Variants in CNTN5 observed in about 807,000 individuals in gnomAD.
The protein encoded by CNTN5 is contactin-5.
CNTN5 carries 77 observed loss-of-function variants against 129.1 expected under a neutral mutation model. The ratio of observed to expected loss-of-function variants is 0.60; its 90% confidence interval spans 0.50 to 0.72. The LOEUF (loss-of-function observed/expected upper bound fraction) is 0.72. Among genes scored for constraint, CNTN5 ranks in the 30% least tolerant of loss-of-function variants. The probability of loss-of-function intolerance (pLI) is 0.00; values close to 1 mark genes in which losing one functional copy is unlikely to be tolerated. For missense variants in CNTN5, 1,478 were observed against 1,328.8 expected, an observed-to-expected ratio of 1.11 and a Z score of -1.75; for synonymous variants, 509 against 465.6, an observed-to-expected ratio of 1.09 and a Z score of -1.20.
intron 1 of CNTN5, among the ~76,000 whole-genome samples, chr11:99,240,011 ATTGT>A (rs1861469820): frequency 6.6e-6 from 1 of 152,056 alleles, no homozygotes; most frequent in Non-Finnish European, 1.5e-5. Flanking sequence ...TAATTGGAAT[ATTGT>A]TTAAGTAGCC....
At chr11:99,520,407 T>C (rs1177088593) in intron 2 of CNTN5, among the ~76,000 whole-genome samples, 2 of 152,168 alleles carry the variant, frequency 1.3e-5, no homozygotes, top group African/African-American at 4.8e-5. Context: ...ACATGCTTTA[T>C]GCATGATCAA....
chr11:99,125,712 A>C lies in CNTN5; in HGVS notation c.-210+104442A>C, dbSNP rs140090391. Among the ~76,000 whole-genome samples, 1,427 of 152,288 alleles carry C rather than the reference A, an allele frequency of 9.4e-3. 15 individuals carry two copies. Among genetic ancestry groups the C allele is most frequent in the Middle Eastern group, 0.027 (8 of 294 alleles). On this transcript the variant is annotated intron_variant, in intron 1 of 24. Coordinates refer to ENST00000524871, the MANE Select transcript of CNTN5 (RefSeq NM_014361.4). ...TTTCAATTTTGAAATTTTTGCTACA[A>C]AAATGTTATCACTAGACCGTCATTA... is the stretch of plus-strand genomic sequence containing the variant.
At chr11:99,898,427 A>G (rs1949266886) in intron 6 of CNTN5, among the ~76,000 whole-genome samples, 1 of 152,098 alleles carries the variant, frequency 6.6e-6, no homozygotes, top group South Asian at 2.1e-4. Flanking sequence ...AGAGACTAGT[A>G]TGATCACCTT....
At chr11:99,289,630 G>A (rs984304452) in intron 1 of CNTN5, among the ~76,000 whole-genome samples, 7 of 151,676 alleles carry the variant, frequency 4.6e-5, no homozygotes, top group Non-Finnish European at 1.0e-4. Context: ...CATCATCCCT[G>A]TAGAGCTTCT....
At chr11:99,679,905 A>G (rs1678269503) in intron 3 of CNTN5, among the ~76,000 whole-genome samples, 1 of 152,180 alleles carries the variant, frequency 6.6e-6, no homozygotes, top group African/African-American at 2.4e-5. Flanking sequence ...AAATAATAAG[A>G]AAGTGAAACA....
At chr11:99,947,678 T>C (rs116579255) in intron 7 of CNTN5, among the ~76,000 whole-genome samples, 156 of 152,276 alleles carry the variant, frequency 1.0e-3, no homozygotes, top group African/African-American at 3.6e-3. Context: ...AAGTTCCACA[T>C]TTAACATAGA....
chr11:99,546,078 T>C (rs1183247352), intron 2 of CNTN5, among the ~76,000 whole-genome samples: 1 of 152,224 alleles, frequency 6.6e-6, no homozygotes, highest in Non-Finnish European at 1.5e-5. Context: ...GCTCTAATTC[T>C]GATGCCGAGT....
chr11:99,985,539 G>A (rs186473975), intron 8 of CNTN5, among the ~76,000 whole-genome samples: 12 of 152,168 alleles, frequency 7.9e-5, no homozygotes, highest in Non-Finnish European at 1.6e-4. Flanking sequence ...GTAAGAAGGC[G>A]TTTTTCAGAA....
At chr11:99,711,575 G>A (rs775095036) in intron 3 of CNTN5, among the ~76,000 whole-genome samples, 17 of 151,732 alleles carry the variant, frequency 1.1e-4, no homozygotes, top group Non-Finnish European at 1.5e-5. Flanking sequence ...GTGGTTTGCT[G>A]CACTCATCAG....
chr11:99,766,959 A>G (rs1944776922), intron 3 of CNTN5, among the ~76,000 whole-genome samples: 2 of 152,040 alleles, frequency 1.3e-5, no homozygotes, highest in Non-Finnish European at 2.9e-5. Context: ...ATATTTGCTT[A>G]TCACTCCATG....
At chr11:99,682,205 T>C (rs979723811) in intron 3 of CNTN5, among the ~76,000 whole-genome samples, 2 of 152,046 alleles carry the variant, frequency 1.3e-5, no homozygotes, top group African/African-American at 2.4e-5. Flanking sequence ...ATTTATTTCT[T>C]GAAATATGAC....
At chr11:100,242,243 T>C (rs568695493) in intron 16 of CNTN5, among the ~76,000 whole-genome samples, 1 of 152,330 alleles carries the variant, frequency 6.6e-6, no homozygotes, top group Admixed American at 6.5e-5. Flanking sequence ...CCATATTGTT[T>C]ATGTGGCTGG....
chr11:99,132,985 A>G (rs751539396), intron 1 of CNTN5, among the ~76,000 whole-genome samples: 3 of 152,198 alleles, frequency 2.0e-5, no homozygotes, highest in Non-Finnish European at 2.9e-5. Flanking sequence ...TGGAGGCACC[A>G]TGTTACCCGA....
At chr11:99,329,445 A>C (rs910197199) in intron 2 of CNTN5, among the ~76,000 whole-genome samples, 2 of 152,216 alleles carry the variant, frequency 1.3e-5, no homozygotes, top group Non-Finnish European at 2.9e-5. Flanking sequence ...TTTGAGTATA[A>C]GAAAATTTCC....
At position 99,619,111 on chromosome 11, in the gene CNTN5, T is replaced by C. The variant is rs368736344; in HGVS notation, c.55+62842T>C. Among the ~76,000 whole-genome samples, 34 of 152,282 alleles carry C rather than the reference T, an allele frequency of 2.2e-4. 1 individual carries two copies. The South Asian group carries it at 6.6e-3, about 30-fold the overall frequency. Reference sequence around the variant, plus strand: ...AATTGTCAATAGAATGCTTTAGTTATATTATCCCATTTGTCCCATTCAAGA... The same window carrying C: ...AATTGTCAATAGAATGCTTTAGTTACATTATCCCATTTGTCCCATTCAAGA... On this transcript the variant is annotated intron_variant, in intron 3 of 24. Transcript: ENST00000524871.
intron 13 of CNTN5, among the ~76,000 whole-genome samples, chr11:100,141,068 A>C (rs960293208): frequency 1.3e-5 from 2 of 152,100 alleles, no homozygotes; most frequent in African/African-American, 4.8e-5. Context: ...TCGAGGAAAA[A>C]TTGAAAGTTT....
chr11:100,261,025 A>G (rs1473075245), intron 17 of CNTN5, among the ~76,000 whole-genome samples: 1 of 152,194 alleles, frequency 6.6e-6, no homozygotes, highest in East Asian at 1.9e-4. Context: ...TGCACATGAC[A>G]TGACTGTATA....
At chr11:99,818,762 A>G (rs1315796430) in intron 3 of CNTN5, among the ~76,000 whole-genome samples, 1 of 152,178 alleles carries the variant, frequency 6.6e-6, no homozygotes, top group African/African-American at 2.4e-5. Flanking sequence ...TTTAGGCAGG[A>G]TGCTCAACCT....
chr11:99,126,062 T>C lies in CNTN5; in HGVS notation c.-210+104792T>C, dbSNP rs568600350. Among the ~76,000 whole-genome samples, 4 of 152,292 alleles carry C rather than the reference T, an allele frequency of 2.6e-5. No homozygotes were observed. The East Asian group carries it at 7.7e-4, about 29-fold the overall frequency. On this transcript the variant is annotated intron_variant, in intron 1 of 24. Coordinates refer to ENST00000524871, the MANE Select transcript of CNTN5 (RefSeq NM_014361.4). ...TATTGGCTATGATCTGCACTGATAA[T>C]AGTAATTTAACCAGGGCTGCGATTT...
Sources: allele counts gnomAD v4.1 joint callset (sites outside exome capture counted in the v4.1 genomes callset), GRCh38; gene constraint gnomAD v4.1.1; transcripts MANE v1.5; gene names NCBI Gene and HGNC (gene_info 2026-07-23, HGNC 2026-07-21).